NACC2: variants seen among roughly 807,000 people sequenced by gnomAD.
NACC2 encodes NACC family member 2, also known as nucleus accumbens-associated protein 2.
In NACC2, 8 loss-of-function variants were observed where a neutral mutation model predicts 25.1. The ratio of observed to expected loss-of-function variants is 0.32; its 90% confidence interval spans 0.19 to 0.57. NACC2 has a LOEUF of 0.57. Among genes scored for constraint, NACC2 ranks in the 20% least tolerant of loss-of-function variants. The pLI is 0.89. For synonymous variants in NACC2, 435 were observed against 294.7 expected (o/e 1.48, Z -4.88); for missense variants, 644 against 650.2 (o/e 0.99, Z 0.10).
chr9:136,065,874 C>A (rs1246852235), intron 1 of NACC2, among the ~76,000 whole-genome samples: 1 of 150,964 alleles, frequency 6.6e-6, no homozygotes, highest in Non-Finnish European at 1.5e-5. Context: ...ATTTAAAAAT[C>A]TTGTGCTTCA....
intron 1 of NACC2, among the ~76,000 whole-genome samples, chr9:136,063,206 C>T (rs951222117): frequency 6.6e-6 from 1 of 152,186 alleles, no homozygotes; most frequent in East Asian, 1.9e-4. Flanking sequence ...CAGGGATGAG[C>T]AGCTCCCGGG....
chr9:136,067,619 C>T (rs900144326), intron 1 of NACC2, among the ~76,000 whole-genome samples: 35 of 95,020 alleles, frequency 3.7e-4, no homozygotes, highest in African/African-American at 9.0e-4. Context: ...GGGCAGATCA[C>T]GAGGTCAAGA....
chr9:136,026,343 CAAAAAAAAAA>C (rs34514433), intron 2 of NACC2, among the ~76,000 whole-genome samples: 3 of 45,528 alleles, frequency 6.6e-5, no homozygotes, highest in African/African-American at 1.7e-4. Flanking sequence ...AACTCCATCT[CAAAAAAAAAA>C]AAAAAAAAAA....
In NACC2 at chr9:136,011,621, C is replaced by T. The variant is rs1840107840; in HGVS notation, c.1659G>A (p.Gln553=). 7.0e-7 allele frequency: 1 copy of T among 1,423,464 alleles called. No homozygotes were observed. Among genetic ancestry groups the T allele is most frequent in the Admixed American group, 3.1e-5 (1 of 32,674 alleles). 88.2% of individuals were successfully genotyped at this position (1,423,464 alleles called of 1,614,324 possible). The change falls in exon 6 of 6, where the codon CAG becomes CAA. Residue 553 remains glutamine, a synonymous_variant. Transcript: ENST00000277554. ...CCTGCTCAAAGGGCTGTGGGGGGCTCTGGCCATCGGCGGGCAGCGGCTCGG... is the reference window on the plus strand; with the variant it reads ...CCTGCTCAAAGGGCTGTGGGGGGCTTTGGCCATCGGCGGGCAGCGGCTCGG... The part of the protein sequence containing the change: ...AAPEPLPADG[Q]SPPQPFEQGG...
In NACC2 at chr9:136,055,594, C is replaced by T. The variant is rs1279436113; in HGVS notation, c.-59-5014G>A. On this transcript the variant is annotated intron_variant, in intron 1 of 5. Coordinates refer to ENST00000277554, the MANE Select transcript of NACC2 (RefSeq NM_144653.5). The surrounding 1 kb of genome is among the most constrained non-coding windows in gnomAD (Gnocchi z 4.9). ...CCCAGCACAGCAAACCAGAGGAATG[C>T]GGCACTGAATTTCTGCAGGATCACC... is the stretch of plus-strand genomic sequence containing the variant. 6.6e-6 allele frequency among the ~76,000 whole-genome samples: 1 copy of T among 152,284 alleles called. No homozygotes were observed. Among genetic ancestry groups the T allele is most frequent in the Non-Finnish European group, 1.5e-5 (1 of 68,030 alleles).
chr9:136,067,026 G>A (rs1332512326), intron 1 of NACC2, among the ~76,000 whole-genome samples: 12 of 151,538 alleles, frequency 7.9e-5, no homozygotes, highest in Admixed American at 4.6e-4. Flanking sequence ...CAAGGCAGGC[G>A]GATCACCTGA....
rs1442633586 is a variant in NACC2 at position 136,011,280 on chromosome 9, C to A, written c.*236G>T. ...ACTTGGAGGCTGACCTTGTGAATATCAAAAGGGAGCCCTGGGAACTTCCTC... is the reference window on the plus strand; with the variant it reads ...ACTTGGAGGCTGACCTTGTGAATATAAAAAGGGAGCCCTGGGAACTTCCTC... On this transcript the variant is annotated 3_prime_UTR_variant, in exon 6 of 6. Transcript: ENST00000277554. 4 of 367,236 alleles carry A rather than the reference C, an allele frequency of 1.1e-5. No individual in the cohort carries two copies. The highest frequency in any genetic ancestry group is 4.9e-5 in the Admixed American group (1 of 20,508). 22.7% of individuals were successfully genotyped at this position (367,236 alleles called of 1,614,324 possible).
chr9:136,066,556 C>G (rs1841083756), intron 1 of NACC2, among the ~76,000 whole-genome samples: 1 of 152,112 alleles, frequency 6.6e-6, no homozygotes. Context: ...AATGTTAGGG[C>G]CACTTATGGA....
At chr9:136,021,360 C>G (rs1349501468) in intron 2 of NACC2, among the ~76,000 whole-genome samples, 1 of 152,208 alleles carries the variant, frequency 6.6e-6, no homozygotes, top group East Asian at 1.9e-4. Context: ...CGTAAAAACA[C>G]CGACGCCAAG....
Position 136,048,458 on chromosome 9 carries a change from A to G in NACC2, c.886+1178T>C, listed in dbSNP as rs887826098. On this transcript the variant is annotated intron_variant, in intron 2 of 5. Coordinates refer to ENST00000277554, the MANE Select transcript of NACC2 (RefSeq NM_144653.5). ...AAGCTCCCAGTCTCAGGACAAATCA[A>G]GCCCTACCCCCTACCACTAAAAGAA... is the stretch of plus-strand genomic sequence containing the variant. Among the ~76,000 whole-genome samples the G allele has an allele frequency of 1.9e-3, 284 of 152,350 alleles. 2 individuals are homozygous for G. The highest frequency in any genetic ancestry group is 6.7e-3 in the African/African-American group (279 of 41,572).
chr9:136,030,347 C>T (rs1471522442), intron 2 of NACC2, among the ~76,000 whole-genome samples: 3 of 152,080 alleles, frequency 2.0e-5, no homozygotes, highest in African/African-American at 4.8e-5. Context: ...CGGTGGCTCA[C>T]GCCTGTAATC....
chr9:136,016,556 G>T (rs1840206792), intron 2 of NACC2, 127 bp from the exon 3 acceptor site: 3 of 1,122,552 alleles, frequency 2.7e-6, no homozygotes, highest in East Asian at 2.6e-5. Flanking sequence ...GGGCCCAGGT[G>T]AGGCCACTCT....
intron 1 of NACC2, among the ~76,000 whole-genome samples, chr9:136,094,767 T>C (rs1209180462): frequency 1.3e-5 from 2 of 151,684 alleles, no homozygotes; most frequent in Non-Finnish European, 2.9e-5. Context: ...CCCGGGCCAG[T>C]CCTGCCCCGG....
At chr9:136,072,609 T>C (rs1290539863) in intron 1 of NACC2, among the ~76,000 whole-genome samples, 3 of 152,140 alleles carry the variant, frequency 2.0e-5, no homozygotes, top group East Asian at 3.9e-4. Flanking sequence ...CCCAGCACTT[T>C]GGGATGCCGA....
intron 2 of NACC2, among the ~76,000 whole-genome samples, chr9:136,040,281 G>C (rs1015707097): frequency 6.6e-6 from 1 of 151,650 alleles, no homozygotes; most frequent in African/African-American, 2.4e-5. Flanking sequence ...GGAGGCAGAG[G>C]TTGCAGTGAG....
intron 2 of NACC2, among the ~76,000 whole-genome samples, chr9:136,038,021 A>C (rs1045936806): frequency 1.3e-5 from 2 of 152,234 alleles, no homozygotes; most frequent in Non-Finnish European, 2.9e-5. Context: ...GCAACAAAAA[A>C]GAATCAATGC....
intron 1 of NACC2, among the ~76,000 whole-genome samples, chr9:136,074,545 T>C (rs1181354376): frequency 1.3e-5 from 2 of 149,540 alleles, no homozygotes; most frequent in African/African-American, 4.9e-5. Flanking sequence ...ATTTCTGAGG[T>C]TATTTAAAAT....
At chr9:136,031,810 C>T (rs1303258903) in intron 2 of NACC2, among the ~76,000 whole-genome samples, 1 of 152,192 alleles carries the variant, frequency 6.6e-6, no homozygotes, top group Admixed American at 6.5e-5. Context: ...CAGCTAGTGG[C>T]CACTCATGGA....
rs1432336548 is a variant in NACC2, at chr9:136,050,513, C to T, written c.9G>A (p.Gln3=). 5.2e-6 allele frequency: 4 copies of T among 763,280 alleles called. No individual in the cohort carries two copies. The highest frequency in any genetic ancestry group is 9.6e-6 in the Non-Finnish European group (4 of 417,300). The allele number at this position is 763,280 out of a possible 1,614,324, so 47.3% of individuals were successfully genotyped here. MS[Q]MLHIEIPNFG... ...AGTTGGGGATCTCGATGTGCAGCAT[C>T]TGAGACATGGCGGGCGGGCAGCGGC... Residue 3 remains glutamine (Q), a synonymous_variant, in exon 2 of 6, where the codon CAG becomes CAA. Coordinates refer to ENST00000277554, the MANE Select transcript of NACC2 (RefSeq NM_144653.5).
Sources: gnomAD v4.1 joint callset for allele counts (sites outside exome capture counted in the v4.1 genomes callset) on GRCh38, gnomAD v4.1.1 for gene constraint, Gnocchi (gnomAD v3.1) non-coding constraint, MANE v1.5 for transcripts, NCBI Gene and HGNC (gene_info 2026-07-23, HGNC 2026-07-21) for gene names.